MAPKAP1: variants seen among roughly 807,000 people sequenced by gnomAD.
MAPKAP1 encodes target of rapamycin complex 2 subunit MAPKAP1.
A neutral mutation model predicts 65.7 loss-of-function variants in MAPKAP1; 20 were observed. The observed-to-expected ratio is 0.30, with a 90% CI of 0.21 to 0.44. MAPKAP1 has a LOEUF of 0.44. Ranked by LOEUF, MAPKAP1 falls within the 20% of genes least tolerant of loss-of-function variation. MAPKAP1 has a pLI of 1.00. For missense variants in MAPKAP1, 423 were observed against 648.0 expected (o/e 0.65, Z 3.77); for synonymous variants, 222 against 244.3 (o/e 0.91, Z 0.85).
At chr9:125,646,421 A>T (rs1384077512) in intron 4 of MAPKAP1, among the ~76,000 whole-genome samples, 2 of 152,232 alleles carry the variant, frequency 1.3e-5, no homozygotes, top group South Asian at 4.1e-4. Context: ...CCTTCCGTGA[A>T]GTTTCAGTTT....
At chr9:125,622,986 C>T (rs1012098738) in intron 4 of MAPKAP1, among the ~76,000 whole-genome samples, 15 of 152,176 alleles carry the variant, frequency 9.9e-5, no homozygotes, top group Admixed American at 2.0e-4. Flanking sequence ...TTGGTGGAGA[C>T]GGGGTTTCGC....
intron 7 of MAPKAP1, among the ~76,000 whole-genome samples, chr9:125,514,895 C>T (rs776053564): frequency 3.9e-5 from 6 of 152,194 alleles, no homozygotes; most frequent in Non-Finnish European, 7.4e-5. Flanking sequence ...TGATGCCGTC[C>T]GTATCAGAGC....
At chr9:125,608,621 C>T (rs2131624708) in intron 4 of MAPKAP1, among the ~76,000 whole-genome samples, 1 of 152,242 alleles carries the variant, frequency 6.6e-6, no homozygotes, top group East Asian at 1.9e-4. Flanking sequence ...GCTCTCCAGA[C>T]AGCACCTGAT....
Position 125,468,014 on chromosome 9 carries a change from C to T in MAPKAP1, c.1303G>A (p.Asp435Asn), listed in dbSNP as rs772438885. The change falls in exon 10 of 12, where the codon GAC becomes AAC. Residue 435 changes from aspartate to asparagine, a missense_variant. This residue lies in a region of MAPKAP1 where 185 missense variants were observed against 268.1 expected (regional missense o/e 0.69). Coordinates refer to ENST00000265960, the MANE Select transcript of MAPKAP1 (RefSeq NM_001006617.3). ...GCAAGGTCACAGGCACAGAGCAGGT[C>T]GGAATCGATTGAGATGGGTTTCTGC... ...IKQKPISIDS[D>N]LLCACDLAEE... The T allele has an allele frequency of 2.5e-6, 4 of 1,614,138 alleles. No individual in the cohort carries two copies. Among genetic ancestry groups the T allele is most frequent in the Non-Finnish European group, 3.4e-6 (4 of 1,180,022 alleles).
chr9:125,583,531 A>G (rs1487651104), intron 5 of MAPKAP1, among the ~76,000 whole-genome samples: 1 of 152,222 alleles, frequency 6.6e-6, no homozygotes, highest in Non-Finnish European at 1.5e-5. Flanking sequence ...ACAGAGTTCC[A>G]TGGTGGAGAG....
chr9:125,441,350 T>G (rs1403331494), intron 11 of MAPKAP1, among the ~76,000 whole-genome samples: 1 of 152,184 alleles, frequency 6.6e-6, no homozygotes, highest in Non-Finnish European at 1.5e-5. Context: ...CAGGTTCAAG[T>G]AGAGGCTCCA....
intron 3 of MAPKAP1, among the ~76,000 whole-genome samples, chr9:125,669,114 A>C (rs1834423008): frequency 6.6e-6 from 1 of 150,408 alleles, no homozygotes; most frequent in South Asian, 2.1e-4. Context: ...AGGGAGGCGG[A>C]GGCTGCAGTG....
chr9:125,607,094 T>C (rs1460688750), intron 4 of MAPKAP1, among the ~76,000 whole-genome samples: 1 of 152,202 alleles, frequency 6.6e-6, no homozygotes, highest in Non-Finnish European at 1.5e-5. Context: ...ATGAATGAAA[T>C]GGCATAGTAG....
At chr9:125,699,598 G>A (rs1835535629) in intron 1 of MAPKAP1, among the ~76,000 whole-genome samples, 1 of 151,600 alleles carries the variant, frequency 6.6e-6, no homozygotes, top group South Asian at 2.1e-4. Context: ...CATCATGTCA[G>A]TTCGAAAAGT....
chr9:125,543,054 C>T lies in MAPKAP1; in HGVS notation c.958+5G>A, dbSNP rs750982370. The T allele has an allele frequency of 3.8e-6, 6 of 1,581,790 alleles. No homozygotes were observed. The Admixed American group carries it at 1.0e-4, about 26-fold the overall frequency. ...TACTGTGAGAATATGATTTAACTAT[C>T]CCACCTGAAACTTTCTGGGATCCTT... On this transcript the variant is annotated splice_donor_5th_base_variant and intron_variant, in intron 7 of 11. Transcript: ENST00000265960.
chr9:125,660,767 C>T (rs1223817907), intron 3 of MAPKAP1, among the ~76,000 whole-genome samples: 1 of 152,230 alleles, frequency 6.6e-6, no homozygotes, highest in Non-Finnish European at 1.5e-5. Context: ...CAACCGCTAG[C>T]AACGCTGTGT....
chr9:125,445,425 G>A (rs184106041), intron 10 of MAPKAP1, among the ~76,000 whole-genome samples: 12 of 152,338 alleles, frequency 7.9e-5, no homozygotes, highest in Admixed American at 3.3e-4. Flanking sequence ...TCACTGACCC[G>A]GATGGGAAAG....
chr9:125,570,723 T>C (rs947406364), intron 5 of MAPKAP1, among the ~76,000 whole-genome samples: 1 of 152,182 alleles, frequency 6.6e-6, no homozygotes, highest in Non-Finnish European at 1.5e-5. Context: ...GCCTAAAGTA[T>C]TGAAGGATTG....
intron 9 of MAPKAP1, among the ~76,000 whole-genome samples, chr9:125,476,609 T>C (rs1327467182): frequency 6.6e-6 from 1 of 152,184 alleles, no homozygotes; most frequent in African/African-American, 2.4e-5. Context: ...ATGTTTAGCC[T>C]GAGAGTGTGC....
At chr9:125,598,414 A>G (rs1832203278) in intron 4 of MAPKAP1, among the ~76,000 whole-genome samples, 1 of 152,204 alleles carries the variant, frequency 6.6e-6, no homozygotes, top group South Asian at 2.1e-4. Context: ...AATAAAATTG[A>G]CAAAATCTCA....
rs886998557 is a variant in MAPKAP1 at position 125,699,210 on chromosome 9, CT to C, written c.-70+7760del. Among the ~76,000 whole-genome samples, 10 of 151,768 alleles carry C rather than the reference CT, an allele frequency of 6.6e-5. No homozygotes were observed. The East Asian group carries it at 1.7e-3, about 26-fold the overall frequency. On this transcript the variant is annotated intron_variant, in intron 1 of 11. Transcript: ENST00000265960. ...TAGCCTGAAGGTAATTTTATACTAA[CT>C]TTTTTTTTCTTTTTTGAGGCAGGGT...
intron 5 of MAPKAP1, among the ~76,000 whole-genome samples, chr9:125,576,408 C>T (rs1040367845): frequency 6.6e-6 from 1 of 152,172 alleles, no homozygotes; most frequent in African/African-American, 2.4e-5. Flanking sequence ...ATTTTCTGTG[C>T]AAATTTTCTG....
At position 125,656,772 on chromosome 9, in the gene MAPKAP1, G is replaced by A. The variant is rs193273197; in HGVS notation, c.498+879C>T. 2.0e-5 allele frequency among the ~76,000 whole-genome samples: 3 copies of A among 152,226 alleles called. No homozygotes were observed. The East Asian group carries it at 5.8e-4, about 29-fold the overall frequency. Reference sequence around the variant, plus strand: ...ACCACTGCCAGACAGCAAACATCATGGCAATAAATACAAAAATCAACCGCT... The same window carrying A: ...ACCACTGCCAGACAGCAAACATCATAGCAATAAATACAAAAATCAACCGCT... On this transcript the variant is annotated intron_variant, in intron 4 of 11. Coordinates refer to ENST00000265960, the MANE Select transcript of MAPKAP1 (RefSeq NM_001006617.3).
chr9:125,562,510 T>C (rs554297301), intron 5 of MAPKAP1, among the ~76,000 whole-genome samples: 1 of 152,316 alleles, frequency 6.6e-6, no homozygotes, highest in Admixed American at 6.5e-5. Context: ...ATTGAAAATC[T>C]GAGGAGATAA....
Sources: allele counts gnomAD v4.1 joint callset (sites outside exome capture counted in the v4.1 genomes callset), GRCh38; gene constraint gnomAD v4.1.1; regional missense constraint gnomAD v4.1.1; transcripts MANE v1.5; gene names NCBI Gene and HGNC (gene_info 2026-07-23, HGNC 2026-07-21).